The following GOLM2 variants were observed in gnomAD, a reference collection of about 807,000 sequenced individuals.
The protein encoded by GOLM2 is protein GOLM2.
Under a neutral mutation model 55.9 loss-of-function variants are expected in GOLM2, and 26 were observed. That is an observed-to-expected ratio of 0.47 (90% CI 0.34 to 0.65). The LOEUF (loss-of-function observed/expected upper bound fraction) is 0.65, where lower values mean the gene tolerates loss of function less well. GOLM2 is among the 30% of genes least tolerant of loss of function. The pLI, the probability that GOLM2 is intolerant of heterozygous loss-of-function variation, is 0.01. For missense variants in GOLM2, 486 were observed against 531.8 expected, an observed-to-expected ratio of 0.91 and a Z score of 0.85; for synonymous variants, 165 against 194.6, an observed-to-expected ratio of 0.85 and a Z score of 1.27.
chr15:44,403,645 T>G (rs2079580285), intron 9 of GOLM2, among the ~76,000 whole-genome samples: 1 of 152,200 alleles, frequency 6.6e-6, no homozygotes, highest in South Asian at 2.1e-4. Flanking sequence ...TAGAATTAAA[T>G]TGTTTAAAAT....
chr15:44,410,441 A>G (rs1006756346), intron 9 of GOLM2, among the ~76,000 whole-genome samples: 2 of 152,178 alleles, frequency 1.3e-5, no homozygotes, highest in African/African-American at 4.8e-5. Flanking sequence ...AAAAATATAT[A>G]CATAATTTTT....
intron 8 of GOLM2, among the ~76,000 whole-genome samples, chr15:44,385,342 T>TCCTC (rs1294309698): frequency 1.2e-4 from 13 of 107,522 alleles, no homozygotes; most frequent in Non-Finnish European, 1.7e-4. Flanking sequence ...CTCCCTCCCT[T>TCCTC]CCTCCCTCCC....
chr15:44,409,011 C>T (rs1567046130), intron 9 of GOLM2, among the ~76,000 whole-genome samples: 2 of 151,914 alleles, frequency 1.3e-5, no homozygotes, highest in Non-Finnish European at 2.9e-5. Context: ...GGCACGGTGG[C>T]TCATGCCTGT....
chr15:44,339,352 A>T (rs938669848), intron 6 of GOLM2, among the ~76,000 whole-genome samples: 18 of 152,234 alleles, frequency 1.2e-4, no homozygotes, highest in Admixed American at 2.6e-4. Flanking sequence ...TAATTAATTA[A>T]TTTTGAGATA....
intron 2 of GOLM2, among the ~76,000 whole-genome samples, chr15:44,325,898 C>G (rs1482835148): frequency 6.6e-6 from 1 of 152,172 alleles, no homozygotes; most frequent in Non-Finnish European, 1.5e-5. Context: ...CTGGCCACCA[C>G]AGATCCATCA....
chr15:44,408,931 C>A (rs1001570425), intron 9 of GOLM2, among the ~76,000 whole-genome samples: 2 of 150,792 alleles, frequency 1.3e-5, no homozygotes, highest in African/African-American at 2.4e-5. Context: ...CTACTGCACT[C>A]CAGCCTGGGC....
chr15:44,366,093 C>G (rs1406055155), intron 6 of GOLM2, among the ~76,000 whole-genome samples: 1 of 151,382 alleles, frequency 6.6e-6, no homozygotes, highest in Admixed American at 6.6e-5. Flanking sequence ...GTCAGGAGAT[C>G]GCGACCACCC....
chr15:44,383,225 A>C (rs1340043406), intron 8 of GOLM2, among the ~76,000 whole-genome samples: 1 of 151,556 alleles, frequency 6.6e-6, no homozygotes, highest in Admixed American at 6.6e-5. Context: ...ATCATTTCGT[A>C]TTTTCTCATT....
intron 1 of GOLM2, among the ~76,000 whole-genome samples, chr15:44,302,932 G>T (rs150558921): frequency 1.3e-5 from 2 of 151,908 alleles, no homozygotes; most frequent in African/African-American, 4.8e-5. Context: ...GTGAAACCCC[G>T]TCTCTACTAA....
chr15:44,306,551 T>C (rs1028036814), intron 1 of GOLM2, among the ~76,000 whole-genome samples: 3 of 152,228 alleles, frequency 2.0e-5, no homozygotes, highest in African/African-American at 7.2e-5. Flanking sequence ...CACTTTGAAT[T>C]TCCTTAAAGA....
intron 8 of GOLM2, among the ~76,000 whole-genome samples, chr15:44,396,002 A>G (rs1291622046): frequency 6.6e-6 from 1 of 152,178 alleles, no homozygotes; most frequent in Non-Finnish European, 1.5e-5. Context: ...ACATACATGT[A>G]TACCTGTACA....
intron 6 of GOLM2, among the ~76,000 whole-genome samples, chr15:44,351,142 A>G (rs964857920): frequency 4.6e-5 from 7 of 152,066 alleles, no homozygotes; most frequent in African/African-American, 1.7e-4. Flanking sequence ...CAGTACTAGT[A>G]CTGGAAGACC....
rs1244638099 is a variant in GOLM2 at position 44,362,158 on chromosome 15, A to G, written c.803-17532A>G. On this transcript the variant is annotated intron_variant, in intron 6 of 9. Transcript: ENST00000299957. The stretch of plus-strand genomic sequence containing the variant: ...CAAGACAGGGATGCCCTCTCTCACC[A>G]CTCCTATTCAACATAGTGTTGGAAG... 3.8e-3 allele frequency among the ~76,000 whole-genome samples: 562 copies of G among 148,312 alleles called. 1 individual carries two copies. The highest frequency in any genetic ancestry group is 0.013 in the African/African-American group (510 of 40,594).
chr15:44,289,119 C>T lies in GOLM2; in HGVS notation c.90C>T (p.Phe30=). The T allele has an allele frequency of 3.1e-6, 5 of 1,614,184 alleles. No individual in the cohort carries two copies. Among genetic ancestry groups the T allele is most frequent in the Non-Finnish European group, 4.2e-6 (5 of 1,180,012 alleles). ...TGGTGGTGATCGTCGTCCTCGCCTT[C>T]AACTACTGGAGCATCTCCTCCCGCC... ...VLLVVIVVLA[F]NYWSISSRHV... The change falls in exon 1 of 10, where the codon TTC becomes TTT. Residue 30 remains phenylalanine (F), a synonymous_variant. Coordinates refer to ENST00000299957, the MANE Select transcript of GOLM2 (RefSeq NM_138423.4). This position sits in a 1 kb window ranked among gnomAD's most constrained non-coding sequence, Gnocchi z 4.8.
intron 8 of GOLM2, among the ~76,000 whole-genome samples, chr15:44,394,722 T>C (rs78652779): frequency 0.03 from 4,594 of 152,316 alleles, 245 homozygotes; most frequent in African/African-American, 0.1. Flanking sequence ...CTCATGATTA[T>C]AACTCATATC....
At chr15:44,366,304 A>AC (rs2079284457) in intron 6 of GOLM2, among the ~76,000 whole-genome samples, 1 of 149,400 alleles carries the variant, frequency 6.7e-6, no homozygotes, top group African/African-American at 2.5e-5. Context: ...CTCAAAAAAA[A>AC]AAAAAAAAAA....
intron 7 of GOLM2, 102 bp downstream of exon 7, chr15:44,379,890 C>A: frequency 1.7e-6 from 1 of 574,788 alleles, no homozygotes; most frequent in Non-Finnish European, 3.0e-6. Context: ...AGTGAAATAG[C>A]ATTTATTCTT....
intron 1 of GOLM2, among the ~76,000 whole-genome samples, chr15:44,304,516 AC>A (rs2078822638): frequency 6.6e-6 from 1 of 152,094 alleles, no homozygotes; most frequent in African/African-American, 2.4e-5. Flanking sequence ...TGCTGGGACT[AC>A]AGGCATAAGC....
chr15:44,379,629 T>G, intron 6 of GOLM2, 61 bp from the exon 7 acceptor site: 2 of 688,206 alleles, frequency 2.9e-6, no homozygotes, highest in East Asian at 6.0e-5. Context: ...TTTTTTTTTT[T>G]TTTTTTTTTA....
Sources: gnomAD v4.1 joint callset for allele counts (sites outside exome capture counted in the v4.1 genomes callset) on GRCh38, gnomAD v4.1.1 for gene constraint, Gnocchi (gnomAD v3.1) non-coding constraint, MANE v1.5 for transcripts, NCBI Gene and HGNC (gene_info 2026-07-23, HGNC 2026-07-21) for gene names.